Variants in CACNA2D3 observed in about 807,000 individuals in gnomAD.
CACNA2D3 encodes voltage-dependent calcium channel subunit alpha-2/delta-3.
CACNA2D3 carries 60 observed loss-of-function variants against 160.6 expected under a neutral mutation model. The ratio of observed to expected loss-of-function variants is 0.37; its 90% CI spans 0.30 to 0.46. The LOEUF is 0.46. Among genes scored for constraint, CACNA2D3 ranks in the 20% least tolerant of loss-of-function variants. The pLI is 1.00. For missense variants in CACNA2D3, 1,205 were observed against 1,365.0 expected, an observed-to-expected ratio of 0.88 and a Z score of 1.85; for synonymous variants, 558 against 492.9, an observed-to-expected ratio of 1.13 and a Z score of -1.75.
chr3:54,289,967 G>C (rs111730665), intron 2 of CACNA2D3, among the ~76,000 whole-genome samples: 43,262 of 149,020 alleles, frequency 0.29, 6,591 homozygotes, highest in East Asian at 0.39. Context: ...AGAAGAAAAC[G>C]TAGGCATTAC....
chr3:54,269,156 T>C (rs1025407870), intron 2 of CACNA2D3, among the ~76,000 whole-genome samples: 20 of 152,034 alleles, frequency 1.3e-4, no homozygotes, highest in Admixed American at 1.0e-3. Context: ...TGGATGTGAG[T>C]GATCGGTACA....
intron 11 of CACNA2D3, among the ~76,000 whole-genome samples, chr3:54,713,472 G>A (rs762136339): frequency 2.6e-5 from 4 of 152,216 alleles, no homozygotes; most frequent in East Asian, 3.9e-4. Context: ...CCTGGATCAC[G>A]TTGTATAGCC....
intron 35 of CACNA2D3, among the ~76,000 whole-genome samples, chr3:55,057,403 T>C (rs1704390539): frequency 6.6e-6 from 1 of 152,180 alleles, no homozygotes; most frequent in Non-Finnish European, 1.5e-5. Flanking sequence ...AAAATAATTT[T>C]TTAAATTATA....
At chr3:54,577,103 T>C (rs1254351497) in intron 8 of CACNA2D3, among the ~76,000 whole-genome samples, 1 of 151,870 alleles carries the variant, frequency 6.6e-6, no homozygotes, top group Non-Finnish European at 1.5e-5. Flanking sequence ...GGAACAAGAG[T>C]AAACATACTC....
chr3:54,857,101 G>A (rs1699188154), intron 17 of CACNA2D3, among the ~76,000 whole-genome samples: 1 of 152,150 alleles, frequency 6.6e-6, no homozygotes, highest in African/African-American at 2.4e-5. Flanking sequence ...ATTAAGCTGA[G>A]TCCTGGAGGA....
At chr3:54,421,165 G>A (rs990834610) in intron 4 of CACNA2D3, among the ~76,000 whole-genome samples, 1 of 152,228 alleles carries the variant, frequency 6.6e-6, no homozygotes, top group Non-Finnish European at 1.5e-5. Flanking sequence ...GAATGTGTTT[G>A]TGGTGTGTGG....
At chr3:54,419,654 C>T (rs546380394) in intron 4 of CACNA2D3, among the ~76,000 whole-genome samples, 21 of 152,306 alleles carry the variant, frequency 1.4e-4, no homozygotes, top group Non-Finnish European at 2.2e-4. Context: ...AACTCTAGGG[C>T]AGGTAGTCTG....
At chr3:54,910,769 C>G (rs1185202268) in intron 27 of CACNA2D3, among the ~76,000 whole-genome samples, 1 of 152,160 alleles carries the variant, frequency 6.6e-6, no homozygotes, top group East Asian at 1.9e-4. Flanking sequence ...CATTAGATGC[C>G]AGGCTGAAGT....
At chr3:54,786,782 A>C (rs1305107164) in intron 13 of CACNA2D3, among the ~76,000 whole-genome samples, 1 of 152,232 alleles carries the variant, frequency 6.6e-6, no homozygotes, top group South Asian at 2.1e-4. Context: ...CTGATTTTAC[A>C]TATGGAATGT....
chr3:54,281,777 A>G (rs1266465012), intron 2 of CACNA2D3, among the ~76,000 whole-genome samples: 1 of 152,242 alleles, frequency 6.6e-6, no homozygotes, highest in East Asian at 1.9e-4. Context: ...GGTGAGCTGG[A>G]TCTGAATCAG....
At chr3:54,554,870 C>CTTTTTTTTTTTTTTTTTTTTTTTTTTT (rs66526065) in intron 5 of CACNA2D3, among the ~76,000 whole-genome samples, 4 of 96,138 alleles carry the variant, frequency 4.2e-5, no homozygotes, top group Non-Finnish European at 5.8e-5. Context: ...CTCTCACTCT[C>CTTTTTTTTTTTTTTTTTTTTTTTTTTT]TTTTTTTTTT....
chr3:54,917,454 A>G (rs566568925), intron 27 of CACNA2D3, among the ~76,000 whole-genome samples: 405 of 152,284 alleles, frequency 2.7e-3, no homozygotes, highest in African/African-American at 9.2e-3. Flanking sequence ...GGAGTAGACA[A>G]TCTGGGTGGT....
chr3:54,809,279 T>G (rs1703222918), intron 13 of CACNA2D3, among the ~76,000 whole-genome samples: 2 of 147,316 alleles, frequency 1.4e-5, no homozygotes, highest in Non-Finnish European at 3.0e-5. Context: ...TTTATCTCTT[T>G]CTTCTCTCTT....
At chr3:54,763,087 CAAA>C (rs10662094) in intron 12 of CACNA2D3, among the ~76,000 whole-genome samples, 4 of 120,654 alleles carry the variant, frequency 3.3e-5, no homozygotes, top group African/African-American at 3.2e-5. Context: ...GACTCCATCT[CAAA>C]AAAAAAAAAA....
chr3:54,486,066 AGG>A lies in CACNA2D3; in HGVS notation c.382-17424_382-17423del, dbSNP rs530636563. Among the ~76,000 whole-genome samples, 264 of 152,336 alleles carry A rather than the reference AGG, an allele frequency of 1.7e-3. 2 individuals carry two copies. Among genetic ancestry groups the A allele is most frequent in the African/African-American group, 5.0e-3 (206 of 41,588 alleles). ...AGTCTCTGAACAGAAAGACATAGAC[AGG>A]GAGAAGCTGTGAGTGAGTAGTTCTC... is the stretch of plus-strand genomic sequence containing the variant. On this transcript the variant is annotated intron_variant, in intron 4 of 37. Coordinates refer to ENST00000474759, the MANE Select transcript of CACNA2D3 (RefSeq NM_018398.3).
intron 35 of CACNA2D3, among the ~76,000 whole-genome samples, chr3:55,066,006 G>A (rs1356244484): frequency 6.6e-6 from 1 of 152,208 alleles, no homozygotes; most frequent in East Asian, 1.9e-4. Context: ...TGGCTATCCA[G>A]TTATGCTAGA....
intron 11 of CACNA2D3, among the ~76,000 whole-genome samples, chr3:54,722,479 G>C (rs928825523): frequency 1.3e-5 from 2 of 152,130 alleles, no homozygotes; most frequent in African/African-American, 4.8e-5. Flanking sequence ...TCCTTTGGAG[G>C]AGAAGAGGCC....
In CACNA2D3 at chr3:54,907,428, CT is replaced by C; in HGVS notation, c.2449+7562del. Among the ~76,000 whole-genome samples, 3 of 152,210 alleles carry C rather than the reference CT, an allele frequency of 2.0e-5. No individual in the cohort carries two copies. In the South Asian group the frequency reaches 6.2e-4, roughly 32 times the overall value. On this transcript the variant is annotated intron_variant, in intron 27 of 37. Transcript: ENST00000474759. ...AATATGTCTTAGACCCAGATTCAGT[CT>C]TGCGTTTGGGGGAGTGTCTGATTCC...
chr3:54,644,752 T>A (rs946016825), intron 11 of CACNA2D3, among the ~76,000 whole-genome samples: 6 of 152,230 alleles, frequency 3.9e-5, no homozygotes, highest in Non-Finnish European at 8.8e-5. Flanking sequence ...ATGCAGTAGA[T>A]CTGAGTGAGG....
Sources: gnomAD v4.1 joint callset for allele counts (sites outside exome capture counted in the v4.1 genomes callset) on GRCh38, gnomAD v4.1.1 for gene constraint, MANE v1.5 for transcripts, NCBI Gene and HGNC (gene_info 2026-07-23, HGNC 2026-07-21) for gene names.